Variants in PKNOX1 observed in about 807,000 individuals in gnomAD.
PKNOX1 encodes the protein PBX/knotted 1 homeobox 1, also known as homeobox protein PKNOX1.
A neutral mutation model predicts 51.9 loss-of-function variants in PKNOX1; 15 were observed. That is an observed-to-expected ratio of 0.29 (90% CI 0.19 to 0.45). The LOEUF is 0.45. Among genes scored for constraint, PKNOX1 ranks in the 20% least tolerant of loss-of-function variants. The pLI, the probability that PKNOX1 is intolerant of heterozygous loss-of-function variation, is 1.00. For synonymous variants in PKNOX1, 219 were observed against 211.1 expected, an observed-to-expected ratio of 1.04 and a Z score of -0.32; for missense variants, 462 against 547.5, an observed-to-expected ratio of 0.84 and a Z score of 1.56.
intron 5 of PKNOX1, among the ~76,000 whole-genome samples, chr21:43,014,492 G>T (rs1407316958): frequency 6.6e-6 from 1 of 152,092 alleles, no homozygotes; most frequent in African/African-American, 2.4e-5. Context: ...TTCAGAGCCA[G>T]CCTTTTTAAT....
intron 5 of PKNOX1, among the ~76,000 whole-genome samples, chr21:43,014,710 A>G (rs1388488895): frequency 6.6e-6 from 1 of 152,198 alleles, no homozygotes; most frequent in Non-Finnish European, 1.5e-5. Context: ...CCTGGCCTCA[A>G]AAGTTTTATA....
chr21:43,001,454 C>A (rs939465277), intron 1 of PKNOX1, among the ~76,000 whole-genome samples: 2 of 152,246 alleles, frequency 1.3e-5, no homozygotes, highest in South Asian at 4.1e-4. Flanking sequence ...CTCAGCTGTC[C>A]TTGCCGTGGC....
chr21:43,023,101 G>A (rs574663294), intron 8 of PKNOX1, among the ~76,000 whole-genome samples: 419 of 151,978 alleles, frequency 2.8e-3, no homozygotes, highest in Non-Finnish European at 4.7e-3. Flanking sequence ...TCTTGGCAGC[G>A]CCGACCCCCT....
chr21:43,025,730 C>T (rs1979958744), intron 9 of PKNOX1, among the ~76,000 whole-genome samples: 1 of 152,166 alleles, frequency 6.6e-6, no homozygotes, highest in Non-Finnish European at 1.5e-5. Context: ...AACTGGCATG[C>T]ATAAAAGAAG....
At chr21:42,993,456 C>T (rs1228905973) in intron 1 of PKNOX1, among the ~76,000 whole-genome samples, 1 of 152,056 alleles carries the variant, frequency 6.6e-6, no homozygotes, top group African/African-American at 2.4e-5. Flanking sequence ...GTTCCACCAG[C>T]ACCTTCAGTT....
At chr21:43,016,626 G>A (rs769124126) in intron 5 of PKNOX1, among the ~76,000 whole-genome samples, 3 of 152,252 alleles carry the variant, frequency 2.0e-5, no homozygotes, top group Non-Finnish European at 4.4e-5. Context: ...CTCCTGGGCT[G>A]TAAGGCACGT....
At chr21:42,975,204 C>T (rs989294203) in intron 1 of PKNOX1, among the ~76,000 whole-genome samples, 2 of 142,918 alleles carry the variant, frequency 1.4e-5, no homozygotes, top group Non-Finnish European at 3.1e-5. Context: ...TCGGAGGGTG[C>T]GGGGCGCGCG....
intron 1 of PKNOX1, among the ~76,000 whole-genome samples, chr21:42,987,404 A>AAAATATATATATATATATATATAT: frequency 2.9e-4 from 12 of 41,374 alleles, no homozygotes; most frequent in Non-Finnish European, 4.3e-4. Context: ...AAAAAAAAAA[A>AAAATATATATATATATATATATAT]ATATATATAT....
At chr21:43,012,446 G>A (rs989390672) in intron 4 of PKNOX1, among the ~76,000 whole-genome samples, 4 of 152,198 alleles carry the variant, frequency 2.6e-5, no homozygotes, top group African/African-American at 9.7e-5. Context: ...TGTAATCCCA[G>A]CTACTCAGGA....
chr21:43,024,933 C>G lies in PKNOX1; in HGVS notation c.912C>G (p.Leu304=). Residue 304 remains leucine, a synonymous_variant, in exon 9 of 11, where the codon CTC becomes CTG. Coordinates refer to ENST00000291547, the MANE Select transcript of PKNOX1 (RefSeq NM_004571.5). ...CTGCTCAGACAAATTTGACACTACT[C>G]CAAGTCAACAACTGGTAAGGTGCCC... The part of the protein sequence containing the change: ...QIAAQTNLTL[L]QVNNWFINAR... 1 of 1,608,382 alleles carries G rather than the reference C, an allele frequency of 6.2e-7. No homozygotes were observed. Among genetic ancestry groups the G allele is most frequent in the Non-Finnish European group, 8.5e-7 (1 of 1,174,986 alleles).
At chr21:43,015,555 G>A (rs1482174247) in intron 5 of PKNOX1, among the ~76,000 whole-genome samples, 1 of 152,116 alleles carries the variant, frequency 6.6e-6, no homozygotes, top group Non-Finnish European at 1.5e-5. Flanking sequence ...TTTTCATACT[G>A]TCTTTGGTTT....
Position 43,030,072 on chromosome 21 carries a change from G to A in PKNOX1, c.1282G>A (p.Val428Ile). ...ALAPAHISGL[V>I]LENSDSLQ ...GGCCCCTGCCCACATCAGCGGGCTG[G>A]TCTTGGAGAACAGTGACTCCCTGCA... Residue 428 changes from valine to isoleucine, a missense_variant, in exon 11 of 11, where the codon GTC becomes ATC. Around this residue, in one of 5 missense-constraint regions of PKNOX1, gnomAD observed 118 missense variants for 116.8 expected, o/e 1.01. Coordinates refer to ENST00000291547, the MANE Select transcript of PKNOX1 (RefSeq NM_004571.5). 1 of 1,606,300 alleles carries A rather than the reference G, an allele frequency of 6.2e-7. No individual in the cohort carries two copies. The highest frequency in any genetic ancestry group is 8.5e-7 in the Non-Finnish European group (1 of 1,173,576).
chr21:43,010,040 CT>C lies in PKNOX1; in HGVS notation c.180-9del. On this transcript the variant is annotated splice_polypyrimidine_tract_variant and intron_variant, in intron 3 of 10. Coordinates refer to ENST00000291547, the MANE Select transcript of PKNOX1 (RefSeq NM_004571.5). ...AGAACGTAAATGGATTCTTTTTTTT[CT>C]TTTCTCCTCAGGCATCCACTATTTC... 1 of 1,514,752 alleles carries C rather than the reference CT, an allele frequency of 6.6e-7. No homozygotes were observed. The highest frequency in any genetic ancestry group is 8.9e-7 in the Non-Finnish European group (1 of 1,128,736). The allele number at this position is 1,514,752 out of a possible 1,614,324, so 93.8% of individuals were successfully genotyped here. A position where few individuals can be genotyped will look rare whatever the true frequency, so the allele number is the denominator to read the frequency against.
At chr21:42,995,960 C>G (rs893046373) in intron 1 of PKNOX1, among the ~76,000 whole-genome samples, 1 of 151,976 alleles carries the variant, frequency 6.6e-6, no homozygotes, top group Non-Finnish European at 1.5e-5. Context: ...GTTAGCAAGG[C>G]ACTTAGTGCT....
intron 2 of PKNOX1, among the ~76,000 whole-genome samples, chr21:43,007,070 A>G (rs1979019382): frequency 6.6e-6 from 1 of 152,188 alleles, no homozygotes; most frequent in South Asian, 2.1e-4. Flanking sequence ...GAGAAGTTCA[A>G]CCTTGTCCCA....
Position 42,987,404 on chromosome 21 carries a change from A to AAAAAT in PKNOX1, c.-57+12741_-57+12742insAAATA. ...TCTCAAAAAAAAAAAAAAAAAAAAA[A>AAAAAT]ATATATATATATATATATATATATG... On this transcript the variant is annotated intron_variant, in intron 1 of 10. Transcript: ENST00000291547. Among the ~76,000 whole-genome samples the AAAAAT allele has an allele frequency of 4.6e-4, 19 of 41,412 alleles. 1 individual carries two copies. Among genetic ancestry groups the AAAAAT allele is most frequent in the Non-Finnish European group, 1.9e-4 (4 of 20,884 alleles). 27.2% of individuals were successfully genotyped at this position (41,412 alleles called of 152,430 possible). A position where few individuals can be genotyped will look rare whatever the true frequency, so the allele number is the denominator to read the frequency against.
intron 5 of PKNOX1, among the ~76,000 whole-genome samples, chr21:43,014,266 C>A (rs1448266259): frequency 1.3e-5 from 2 of 152,134 alleles, no homozygotes; most frequent in African/African-American, 4.8e-5. Flanking sequence ...CGTGATCCGC[C>A]CGCCTTGGCC....
intron 1 of PKNOX1, among the ~76,000 whole-genome samples, chr21:42,984,947 A>T (rs1459590859): frequency 4.1e-5 from 6 of 148,040 alleles, no homozygotes; most frequent in Non-Finnish European, 8.9e-5. Flanking sequence ...CCTTGCCTCC[A>T]AGGGTTAGGG....
At position 43,021,338 on chromosome 21, in the gene PKNOX1, GCAT is replaced by G; in HGVS notation, c.759_761del (p.His253del). ...AGTTAAACCAAGATCTCAGCATCTTGCATCAAGATGATGGTTCATCTAAGAACA... is the reference window on the plus strand; with the variant it reads ...AGTTAAACCAAGATCTCAGCATCTTGCAAGATGATGGTTCATCTAAGAACA... On this transcript the variant is annotated inframe_deletion, in exon 8 of 11. Transcript: ENST00000291547. This position sits in a 1 kb window ranked among gnomAD's most constrained non-coding sequence, Gnocchi z 4.6. 1 of 1,611,530 alleles carries G rather than the reference GCAT, an allele frequency of 6.2e-7. No individual in the cohort carries two copies. The highest frequency in any genetic ancestry group is 8.5e-7 in the Non-Finnish European group (1 of 1,178,340).
Sources: allele counts gnomAD v4.1 joint callset (sites outside exome capture counted in the v4.1 genomes callset), GRCh38; gene constraint gnomAD v4.1.1; regional missense constraint gnomAD v4.1.1; non-coding constraint Gnocchi (gnomAD v3.1); transcripts MANE v1.5; gene names NCBI Gene and HGNC (gene_info 2026-07-23, HGNC 2026-07-21).